Variants in PLEKHG5 observed in about 807,000 individuals in gnomAD.
PLEKHG5 encodes pleckstrin homology and RhoGEF domain containing G5.
In PLEKHG5, 52 loss-of-function variants were observed where a neutral mutation model predicts 103.8. The observed-to-expected ratio is 0.50, with a 90% CI of 0.40 to 0.63. PLEKHG5 has a LOEUF of 0.63. PLEKHG5 is among the 30% of genes least tolerant of loss of function. The pLI is 0.00. For missense variants in PLEKHG5, 1,205 were observed against 1,347.6 expected (o/e 0.89, Z 1.66); for synonymous variants, 592 against 575.5 (o/e 1.03, Z -0.41).
Position 6,471,481 on chromosome 1 carries a change from C to T in PLEKHG5, c.1281+7G>A. The stretch of plus-strand genomic sequence containing the variant: ...GTGCCCCCGCCTGCGCCCGGCCCCG[C>T]CCGTACCATCTTGAAGCCTTTGAGG... On this transcript the variant is annotated splice_region_variant and intron_variant, in intron 12 of 20. Coordinates refer to ENST00000377728, the MANE Select transcript of PLEKHG5 (RefSeq NM_020631.6). 1 of 1,609,728 alleles carries T rather than the reference C, an allele frequency of 6.2e-7. No individual in the cohort carries two copies.
upstream of PLEKHG5, among the ~76,000 whole-genome samples, chr1:6,499,836 G>A (rs1645276279): frequency 1.3e-5 from 2 of 152,044 alleles, no homozygotes; most frequent in Admixed American, 1.3e-4. Context: ...GTCTTGCTCT[G>A]TTACCCAGGC....
chr1:6,497,074 T>TG, upstream of PLEKHG5: 1 of 1,487,912 alleles, frequency 6.7e-7, no homozygotes, highest in Non-Finnish European at 8.9e-7. This position sits in a 1 kb window ranked among gnomAD's most constrained non-coding sequence, Gnocchi z 6.1. Context: ...CCTCTCTTCC[T>TG]GGGGGCTGGA....
chr1:6,498,009 GT>G (rs1446336754), upstream of PLEKHG5, among the ~76,000 whole-genome samples: 12 of 150,062 alleles, frequency 8.0e-5, no homozygotes, highest in East Asian at 2.4e-3. Context: ...GTGCCAACCG[GT>G]CCCCCCAAGG....
In PLEKHG5 at chr1:6,487,194, C is replaced by T. The variant is rs766932916; in HGVS notation, c.-88+4443G>A. Among the ~76,000 whole-genome samples the T allele has an allele frequency of 1.6e-4, 24 of 152,326 alleles. No homozygotes were observed. The highest frequency in any genetic ancestry group is 1.2e-3 in the South Asian group (6 of 4,828). The stretch of plus-strand genomic sequence containing the variant: ...GCAGTGGCATGATCCCAGCTCACTA[C>T]GACCTCCACCTCCCAGGTTCAAGTG... On this transcript the variant is annotated intron_variant, in intron 1 of 20. Transcript: ENST00000377728. The surrounding 1 kb of genome is among the most constrained non-coding windows in gnomAD (Gnocchi z 4.1).
At chr1:6,472,191 C>G (rs926663932) in intron 10 of PLEKHG5, among the ~76,000 whole-genome samples, 2 of 152,246 alleles carry the variant, frequency 1.3e-5, no homozygotes, top group African/African-American at 4.8e-5. Context: ...CCTCCCTGAG[C>G]CGAAATCCCT....
rs1368692499 is a variant in PLEKHG5, at chr1:6,475,724, G to A, written c.150-202C>T. Among the ~76,000 whole-genome samples, 3 of 152,218 alleles carry A rather than the reference G, an allele frequency of 2.0e-5. No individual in the cohort carries two copies. The East Asian group carries it at 5.8e-4, about 29-fold the overall frequency. Reference sequence around the variant, plus strand: ...AGTCACATCGAACGGTACCTGGTCTGGTGTGGGCTAGGATCCCAAGCACCC... The same window carrying A: ...AGTCACATCGAACGGTACCTGGTCTAGTGTGGGCTAGGATCCCAAGCACCC... On this transcript the variant is annotated intron_variant, in intron 3 of 20. Coordinates refer to ENST00000377728, the MANE Select transcript of PLEKHG5 (RefSeq NM_020631.6).
intron 1 of PLEKHG5, among the ~76,000 whole-genome samples, chr1:6,516,866 G>A (rs865815096): frequency 1.5e-4 from 4 of 25,828 alleles, no homozygotes; most frequent in African/African-American, 2.0e-4. Context: ...GTATATATGT[G>A]TATATATATA....
upstream of PLEKHG5, chr1:6,497,405 C>T: frequency 1.0e-6 from 1 of 1,003,860 alleles, no homozygotes; most frequent in Admixed American, 5.7e-5. The surrounding 1 kb of genome is among the most constrained non-coding windows in gnomAD (Gnocchi z 6.1). Context: ...CGCAGAGCCG[C>T]CGCCGCCGGA....
chr1:6,472,026 G>A (rs1644607419), intron 10 of PLEKHG5, among the ~76,000 whole-genome samples: 1 of 152,202 alleles, frequency 6.6e-6, no homozygotes, highest in Non-Finnish European at 1.5e-5. Flanking sequence ...AGGTCACACT[G>A]CCCTGGTCCC....
rs753818228 is a variant in PLEKHG5, at chr1:6,477,624, C to A, written c.-53G>T. The A allele has an allele frequency of 6.2e-7, 1 of 1,608,886 alleles. No individual in the cohort carries two copies. Among genetic ancestry groups the A allele is most frequent in the African/African-American group, 1.3e-5 (1 of 74,908 alleles). ...CTCGCAGAGGTTGAGGGGCCCCCGGCGGTGCAGCTGCTGGCAGTCGGCGTG... is the reference window on the plus strand; with the variant it reads ...CTCGCAGAGGTTGAGGGGCCCCCGGAGGTGCAGCTGCTGGCAGTCGGCGTG... On this transcript the variant is annotated 5_prime_UTR_variant, in exon 2 of 21. Coordinates refer to ENST00000377728, the MANE Select transcript of PLEKHG5 (RefSeq NM_020631.6).
chr1:6,474,772 C>T, intron 5 of PLEKHG5, 185 bp from the exon 6 acceptor site: 2 of 685,256 alleles, frequency 2.9e-6, no homozygotes, highest in Non-Finnish European at 2.6e-6. Flanking sequence ...GGTGCTCACA[C>T]AGGCGCATCT....
At chr1:6,468,911 C>A in intron 19 of PLEKHG5, 131 bp downstream of exon 19, 1 of 823,838 alleles carries the variant, frequency 1.2e-6, no homozygotes, top group Non-Finnish European at 2.0e-6. Context: ...CTGGGGGAGA[C>A]AGAGCCCCGC....
At chr1:6,511,625 G>A (rs754667935) in intron 1 of PLEKHG5, among the ~76,000 whole-genome samples, 6 of 152,206 alleles carry the variant, frequency 3.9e-5, no homozygotes, top group African/African-American at 9.6e-5. Flanking sequence ...GCCCCCAGGC[G>A]CTGGGACTGA....
At position 6,468,284 on chromosome 1, in the gene PLEKHG5, G is replaced by C. The variant is rs1017738220; in HGVS notation, c.2552C>G (p.Ser851Cys). 1 of 1,608,870 alleles carries C rather than the reference G, an allele frequency of 6.2e-7. No individual in the cohort carries two copies. Among genetic ancestry groups the C allele is most frequent in the East Asian group, 2.2e-5 (1 of 44,728 alleles). ...GCGGAGACGGGGCGAGGGTGGAGGGGAAGGAACTCGTGGGGACTCTGGGGC... is the reference window on the plus strand; with the variant it reads ...GCGGAGACGGGGCGAGGGTGGAGGGCAAGGAACTCGTGGGGACTCTGGGGC... ...PRAPESPRVPSPPPSPRLRRR... is the reference protein window; with the variant it reads ...PRAPESPRVPCPPPSPRLRRR... The change falls in exon 20 of 21, where the codon TCC (serine) becomes TGC (cysteine). Residue 851 changes from serine (S) to cysteine (C), a missense_variant. Physicochemically the swap from Ser to Cys is moderately radical, Grantham distance 112. Transcript: ENST00000377728.
At chr1:6,497,178 G>A, upstream of PLEKHG5, 4 of 882,404 alleles carry the variant, frequency 4.5e-6, no homozygotes, top group Non-Finnish European at 7.2e-6. This position sits in a 1 kb window ranked among gnomAD's most constrained non-coding sequence, Gnocchi z 6.1. Flanking sequence ...CGACTTGGGG[G>A]CCGAGTTTGG....
exon 1 of PLEKHG5, chr1:6,519,812 G>A: frequency 2.0e-6 from 1 of 505,448 alleles, no homozygotes; most frequent in Admixed American, 3.3e-5. Context: ...CCTTGTTGGT[G>A]GTTGGTTCCT....
At position 6,470,726 on chromosome 1, in the gene PLEKHG5, C is replaced by T. The variant is rs984099374; in HGVS notation, c.1542+9G>A. 6.4e-7 allele frequency: 1 copy of T among 1,554,992 alleles called. No homozygotes were observed. ...AGGGGGGACGGCTCCCGCTGGCCAT[C>T]AGGGTTACCATGGCGACGACGGCCT... On this transcript the variant is annotated intron_variant, in intron 14 of 20. Transcript: ENST00000377728.
chr1:6,471,201 G>A, intron 12 of PLEKHG5, 101 bp from the exon 13 acceptor site: 2 of 982,718 alleles, frequency 2.0e-6, no homozygotes, highest in Admixed American at 2.0e-5. Context: ...GCACTTGGGC[G>A]ACCACCCCAA....
intron 1 of PLEKHG5, among the ~76,000 whole-genome samples, chr1:6,480,638 G>A (rs1441111782): frequency 2.0e-5 from 3 of 149,888 alleles, no homozygotes; most frequent in Non-Finnish European, 4.4e-5. Context: ...TCTGATGGCT[G>A]CAAGGTGGGG....
Sources: gnomAD v4.1 joint callset for allele counts (sites outside exome capture counted in the v4.1 genomes callset) on GRCh38, gnomAD v4.1.1 for gene constraint, Gnocchi (gnomAD v3.1) non-coding constraint, MANE v1.5 for transcripts, NCBI Gene and HGNC (gene_info 2026-07-23, HGNC 2026-07-21) for gene names.